The following GPHN variants were observed in gnomAD, a reference collection of about 807,000 sequenced individuals.
GPHN encodes gephyrin.
A neutral mutation model predicts 95.5 loss-of-function variants in GPHN; 17 were observed. The observed-to-expected ratio is 0.18, with a 90% CI of 0.12 to 0.27. The LOEUF (loss-of-function observed/expected upper bound fraction) is 0.27, where lower values mean the gene tolerates loss of function less well. Ranked by LOEUF, GPHN falls within the 10% of genes least tolerant of loss-of-function variation. GPHN has a pLI of 1.00. For missense variants in GPHN, 660 were observed against 978.1 expected, an observed-to-expected ratio of 0.67 and a Z score of 4.34; for synonymous variants, 320 against 322.5, an observed-to-expected ratio of 0.99 and a Z score of 0.08.
intron 1 of GPHN, among the ~76,000 whole-genome samples, chr14:66,665,233 T>C (rs1206594542): frequency 6.6e-6 from 1 of 152,130 alleles, no homozygotes; most frequent in Non-Finnish European, 1.5e-5. Flanking sequence ...AAAAATCCTC[T>C]GCAAAATTCT....
chr14:66,823,284 G>A (rs1425057453), intron 3 of GPHN: 1 of 152,244 alleles, frequency 6.6e-6, no homozygotes, highest in Non-Finnish European at 1.5e-5. Flanking sequence ...TTACAAGCAT[G>A]AGCCACTCAC....
At chr14:67,476,630 G>T in the GPHN span, among the ~76,000 whole-genome samples, 418 of 152,180 alleles carry the variant, frequency 2.7e-3, 2 homozygotes, top group Non-Finnish European at 4.2e-3. Context: ...TTCATGTGAA[G>T]GTCAGAAAAT....
intron 11 of GPHN, among the ~76,000 whole-genome samples, chr14:67,062,643 T>C (rs940318202): frequency 4.6e-5 from 7 of 152,218 alleles, no homozygotes; most frequent in African/African-American, 1.7e-4. Context: ...TTAGATATAA[T>C]AGTAAGACTA....
At chr14:67,163,887 A>G (rs1595449050) in intron 19 of GPHN, among the ~76,000 whole-genome samples, 1 of 152,172 alleles carries the variant, frequency 6.6e-6, no homozygotes, top group East Asian at 1.9e-4. Flanking sequence ...TGCCCACTCT[A>G]TGCCACTCAC....
the GPHN span, chr14:67,334,652 A>AGAT: frequency 6.6e-6 from 1 of 152,526 alleles, no homozygotes; most frequent in African/African-American, 2.4e-5. Context: ...AATATTTTCA[A>AGAT]GATAATGTTC....
the GPHN span, among the ~76,000 whole-genome samples, chr14:67,260,981 G>GC: frequency 2.0e-5 from 3 of 152,134 alleles, no homozygotes; most frequent in African/African-American, 7.2e-5. Flanking sequence ...AAATGCCCTG[G>GC]AGTCAAGCAG....
intron 1 of GPHN, among the ~76,000 whole-genome samples, chr14:66,532,139 G>T (rs2058966524): frequency 6.6e-6 from 1 of 152,212 alleles, no homozygotes; most frequent in South Asian, 2.1e-4. Context: ...TTTTATATTA[G>T]TTAACATTTG....
intron 9 of GPHN, among the ~76,000 whole-genome samples, chr14:67,002,872 T>G (rs911317551): frequency 6.6e-6 from 1 of 151,518 alleles, no homozygotes; most frequent in Non-Finnish European, 1.5e-5. Flanking sequence ...ATCTGTTAGG[T>G]TTTTCATAGA....
intron 18 of GPHN, among the ~76,000 whole-genome samples, chr14:67,158,812 T>A (rs181899901): frequency 2.6e-4 from 40 of 152,330 alleles, no homozygotes; most frequent in African/African-American, 7.9e-4. Flanking sequence ...TAGTTAAAAC[T>A]CCCTTGACTT....
chr14:66,909,140 A>G (rs993631025), intron 5 of GPHN, among the ~76,000 whole-genome samples: 2 of 152,170 alleles, frequency 1.3e-5, no homozygotes, highest in Non-Finnish European at 2.9e-5. Flanking sequence ...GGTACAGAGA[A>G]TATGGGAACT....
the GPHN span, among the ~76,000 whole-genome samples, chr14:67,253,707 T>C: frequency 6.6e-6 from 1 of 151,890 alleles, no homozygotes; most frequent in African/African-American, 2.4e-5. Flanking sequence ...ATTAGCTGGG[T>C]TTGCATTCCT....
intron 3 of GPHN, among the ~76,000 whole-genome samples, chr14:66,785,839 A>G (rs1358924712): frequency 6.6e-6 from 1 of 152,088 alleles, no homozygotes; most frequent in East Asian, 1.9e-4. Flanking sequence ...ATGAAATTTT[A>G]AAAATTTACA....
chr14:66,781,471 G>A (rs1417161332), intron 3 of GPHN, among the ~76,000 whole-genome samples: 1 of 152,066 alleles, frequency 6.6e-6, no homozygotes, highest in East Asian at 1.9e-4. Flanking sequence ...ACCTGCCTCG[G>A]CCTCCCAAAG....
At chr14:66,843,669 A>G (rs1386749032) in intron 4 of GPHN, among the ~76,000 whole-genome samples, 1 of 152,284 alleles carries the variant, frequency 6.6e-6, no homozygotes, top group African/African-American at 2.4e-5. Flanking sequence ...TTTATTTCCA[A>G]TAAAAGTTTT....
chr14:66,960,935 T>C (rs1007038343), intron 8 of GPHN, among the ~76,000 whole-genome samples: 1 of 152,142 alleles, frequency 6.6e-6, no homozygotes, highest in African/African-American at 2.4e-5. Context: ...TGTTTTTCCA[T>C]GCCCAGATGA....
At chr14:67,059,771 G>A (rs1213070302) in intron 11 of GPHN, among the ~76,000 whole-genome samples, 3 of 152,142 alleles carry the variant, frequency 2.0e-5, no homozygotes, top group African/African-American at 4.8e-5. Context: ...GACAAGGATT[G>A]TTATTATACA....
the GPHN span, among the ~76,000 whole-genome samples, chr14:67,627,256 G>A: frequency 7.5e-5 from 10 of 133,748 alleles, no homozygotes; most frequent in African/African-American, 3.0e-4. Flanking sequence ...TCAGTAAGGA[G>A]ATATATATAT....
the GPHN span, among the ~76,000 whole-genome samples, chr14:67,281,119 C>A: frequency 6.6e-6 from 1 of 151,750 alleles, no homozygotes; most frequent in East Asian, 1.9e-4. Flanking sequence ...GGCTGGTCTT[C>A]AACTCCTGAC....
chr14:67,349,167 C>G, the GPHN span: 2 of 1,486,410 alleles, frequency 1.3e-6, no homozygotes, highest in South Asian at 2.3e-5. Flanking sequence ...CAGGGACCCA[C>G]TGGATAGTTT....
Sources: allele counts gnomAD v4.1 joint callset (sites outside exome capture counted in the v4.1 genomes callset), GRCh38; gene constraint gnomAD v4.1.1; transcripts MANE v1.5; gene names NCBI Gene and HGNC (gene_info 2026-07-23, HGNC 2026-07-21).